ANTXR1: variants seen among roughly 807,000 people sequenced by gnomAD.
ANTXR1 encodes anthrax toxin receptor 1.
A neutral mutation model predicts 78.1 loss-of-function variants in ANTXR1; 19 were observed. That is an observed-to-expected ratio of 0.24 (90% CI 0.17 to 0.36). ANTXR1 has a LOEUF of 0.36. ANTXR1 is among the 10% of genes least tolerant of loss of function. The pLI is 1.00. For synonymous variants in ANTXR1, 273 were observed against 260.5 expected (o/e 1.05, Z -0.46); for missense variants, 518 against 718.6 (o/e 0.72, Z 3.19).
intron 1 of ANTXR1, among the ~76,000 whole-genome samples, chr2:69,020,566 C>A (rs1671155361): frequency 1.3e-5 from 2 of 152,094 alleles, no homozygotes; most frequent in Admixed American, 1.3e-4. Context: ...CTAAAGGATT[C>A]CTAGTGGTCC....
chr2:69,212,810 C>A (rs988500424), intron 17 of ANTXR1, among the ~76,000 whole-genome samples: 95 of 150,294 alleles, frequency 6.3e-4, no homozygotes, highest in African/African-American at 2.2e-3. Flanking sequence ...TGCCACCAAG[C>A]CTAGCTAACT....
At chr2:69,100,770 A>T (rs987937917) in intron 9 of ANTXR1, among the ~76,000 whole-genome samples, 3 of 152,368 alleles carry the variant, frequency 2.0e-5, no homozygotes, top group Admixed American at 2.0e-4. Context: ...AACTGAGCAA[A>T]TAAGAGAAGA....
At chr2:69,145,935 C>G in intron 12 of ANTXR1, 1 of 985,686 alleles carries the variant, frequency 1.0e-6, no homozygotes, top group Non-Finnish European at 1.2e-6. Flanking sequence ...TATTGAAGTT[C>G]CAAATGTATA....
At position 69,170,298 on chromosome 2, in the gene ANTXR1, C is replaced by A; in HGVS notation, c.1089+9C>A. 6.2e-7 allele frequency: 1 copy of A among 1,613,982 alleles called. No homozygotes were observed. Among genetic ancestry groups the A allele is most frequent in the Non-Finnish European group, 8.5e-7 (1 of 1,180,002 alleles). On this transcript the variant is annotated intron_variant, in intron 14 of 17. Coordinates refer to ENST00000303714, the MANE Select transcript of ANTXR1 (RefSeq NM_032208.3). Reference sequence around the variant, plus strand: ...CTGCCGAGGAGAGTGAGGTAAGTGACCACAGCAGGATGGCAGTGGGTGGGC... The same window carrying A: ...CTGCCGAGGAGAGTGAGGTAAGTGAACACAGCAGGATGGCAGTGGGTGGGC...
At chr2:69,181,666 C>A in intron 14 of ANTXR1, 120 bp from the exon 15 acceptor site, 3 of 952,520 alleles carry the variant, frequency 3.1e-6, no homozygotes, top group Non-Finnish European at 3.4e-6. Flanking sequence ...AACAGTAGCA[C>A]TGGGATTGCA....
At chr2:69,245,120 AG>A in intron 17 of ANTXR1, 104 bp from the exon 18 acceptor site, 1 of 1,348,782 alleles carries the variant, frequency 7.4e-7, no homozygotes, top group Non-Finnish European at 1.1e-6. Flanking sequence ...TGTCACCAAC[AG>A]GGGCCAGCTT....
intron 1 of ANTXR1, among the ~76,000 whole-genome samples, chr2:69,016,111 C>T (rs1014653548): frequency 8.5e-5 from 13 of 152,166 alleles, no homozygotes; most frequent in Admixed American, 3.9e-4. Context: ...TCTAGACTTG[C>T]GCTGTCCAGT....
rs756363071 is a variant in ANTXR1, at chr2:69,044,743, C to G, written c.226C>G (p.Pro76Ala). The change falls in exon 3 of 18, where the codon CCA becomes GCA. Residue 76 changes from proline (P) to alanine (A), a missense_variant and splice_region_variant. Physicochemically the swap from Pro to Ala is conservative, Grantham distance 27. Coordinates refer to ENST00000303714, the MANE Select transcript of ANTXR1 (RefSeq NM_032208.3). ...VEQLAHKFIS[P>A]QLRMSFIVFS... Reference sequence around the variant, plus strand: ...AATAGAGCTTCTTTTCCTTTCCAGCCCACAGTTGAGAATGTCCTTTATTGT... The same window carrying G: ...AATAGAGCTTCTTTTCCTTTCCAGCGCACAGTTGAGAATGTCCTTTATTGT... 6.2e-7 allele frequency: 1 copy of G among 1,613,642 alleles called. No homozygotes were observed. The highest frequency in any genetic ancestry group is 1.3e-5 in the African/African-American group (1 of 74,878).
At chr2:69,091,861 A>G (rs2104286067) in intron 9 of ANTXR1, among the ~76,000 whole-genome samples, 1 of 152,348 alleles carries the variant, frequency 6.6e-6, no homozygotes, top group South Asian at 2.1e-4. Flanking sequence ...GATCAAAATC[A>G]GGGTCATGCT....
chr2:69,040,145 G>A, intron 2 of ANTXR1, 30 bp downstream of exon 2: 4 of 1,588,472 alleles, frequency 2.5e-6, no homozygotes, highest in Non-Finnish European at 3.5e-6. Flanking sequence ...TTGTTCACTT[G>A]TAGTTCTCTG....
At chr2:69,136,521 A>C (rs1204733828) in intron 12 of ANTXR1, among the ~76,000 whole-genome samples, 1 of 152,250 alleles carries the variant, frequency 6.6e-6, no homozygotes, top group African/African-American at 2.4e-5. Context: ...TTTCAAACAC[A>C]CACCCAAAGC....
At chr2:69,121,824 T>G (rs998839207) in intron 10 of ANTXR1, among the ~76,000 whole-genome samples, 2 of 152,210 alleles carry the variant, frequency 1.3e-5, no homozygotes, top group African/African-American at 2.4e-5. Context: ...GGATGACTAT[T>G]ATATACTTAG....
intron 12 of ANTXR1, among the ~76,000 whole-genome samples, chr2:69,136,121 C>T (rs1351566778): frequency 6.6e-6 from 1 of 152,088 alleles, no homozygotes; most frequent in Non-Finnish European, 1.5e-5. Context: ...GTGAGACATC[C>T]TACCACAGAT....
intron 12 of ANTXR1, among the ~76,000 whole-genome samples, chr2:69,149,302 A>C (rs1218579150): frequency 6.6e-6 from 1 of 152,134 alleles, no homozygotes; most frequent in Non-Finnish European, 1.5e-5. Context: ...TTTGTTCCTC[A>C]TTAGGGGCAC....
intron 17 of ANTXR1, among the ~76,000 whole-genome samples, chr2:69,231,599 G>A (rs966369098): frequency 4.6e-5 from 7 of 152,076 alleles, no homozygotes; most frequent in African/African-American, 1.7e-4. Context: ...CATTTTTTGG[G>A]TCGATTGGGC....
intron 9 of ANTXR1, among the ~76,000 whole-genome samples, chr2:69,099,096 A>G (rs1210865332): frequency 1.3e-5 from 2 of 152,316 alleles, no homozygotes; most frequent in African/African-American, 4.8e-5. Flanking sequence ...CCCTATACCC[A>G]TTAAGCAGTT....
At chr2:69,155,698 A>C (rs1673501774) in intron 13 of ANTXR1, among the ~76,000 whole-genome samples, 2 of 152,326 alleles carry the variant, frequency 1.3e-5, no homozygotes, top group South Asian at 4.1e-4. Context: ...ACATTAGGGC[A>C]CTAAAAAGTT....
rs553898294 is a variant in ANTXR1 at position 69,020,272 on chromosome 2, T to C, written c.152+6621T>C. On this transcript the variant is annotated intron_variant, in intron 1 of 17. Coordinates refer to ENST00000303714, the MANE Select transcript of ANTXR1 (RefSeq NM_032208.3). ...GGTGGACTTAATGCTTGGTTTTAAA[T>C]GCTCCTCTAATTAAGTTCCACATTT... Among the ~76,000 whole-genome samples the C allele has an allele frequency of 7.5e-4, 115 of 152,334 alleles. 1 individual carries two copies. In the South Asian group the frequency reaches 0.014, roughly 18 times the overall value.
chr2:69,224,372 C>T (rs1387163048), intron 17 of ANTXR1, among the ~76,000 whole-genome samples: 7 of 152,260 alleles, frequency 4.6e-5, no homozygotes, highest in African/African-American at 1.2e-4. Flanking sequence ...TGAAAGTAGG[C>T]GAAAGGTAAT....
Sources: allele counts gnomAD v4.1 joint callset (sites outside exome capture counted in the v4.1 genomes callset), GRCh38; gene constraint gnomAD v4.1.1; transcripts MANE v1.5; gene names NCBI Gene and HGNC (gene_info 2026-07-23, HGNC 2026-07-21).